Variants in TYW1B observed in about 807,000 individuals in gnomAD.
TYW1B encodes the protein S-adenosyl-L-methionine-dependent tRNA 4-demethylwyosine synthase TYW1B.
In TYW1B, 73 loss-of-function variants were observed where a neutral mutation model predicts 86.9. The observed-to-expected ratio is 0.84, with a 90% CI of 0.70 to 1.02. The LOEUF is 1.02. Ranked by LOEUF, TYW1B falls within the 50% of genes least tolerant of loss-of-function variation. TYW1B has a pLI of 0.00. For missense variants in TYW1B, 637 were observed against 827.4 expected, an observed-to-expected ratio of 0.77 and a Z score of 2.82; for synonymous variants, 248 against 292.8, an observed-to-expected ratio of 0.85 and a Z score of 1.56.
intron 9 of TYW1B, among the ~76,000 whole-genome samples, chr7:72,718,409 T>C (rs868927668): frequency 4.6e-5 from 7 of 152,156 alleles, no homozygotes; most frequent in African/African-American, 1.7e-4. Context: ...GCCTAATTCC[T>C]GCAGTACACA....
intron 6 of TYW1B, among the ~76,000 whole-genome samples, chr7:72,789,432 G>A (rs530555190): frequency 1.3e-5 from 2 of 152,228 alleles, no homozygotes; most frequent in African/African-American, 4.8e-5. Context: ...CACCAAGCCC[G>A]GCCCGAGTAT....
At chr7:72,800,591 T>G (rs1487113732) in intron 6 of TYW1B, among the ~76,000 whole-genome samples, 3 of 152,024 alleles carry the variant, frequency 2.0e-5, no homozygotes, top group Middle Eastern at 3.2e-3. Flanking sequence ...TCTTAGAATT[T>G]TATTCTGTTG....
chr7:72,616,369 GA>G (rs1554436857), intron 13 of TYW1B, among the ~76,000 whole-genome samples: 1 of 152,154 alleles, frequency 6.6e-6, no homozygotes, highest in Non-Finnish European at 1.5e-5. Flanking sequence ...GTCATTCCAG[GA>G]AAGGACTAGA....
intron 7 of TYW1B, among the ~76,000 whole-genome samples, chr7:72,753,049 A>T (rs193096345): frequency 6.6e-6 from 1 of 152,130 alleles, no homozygotes; most frequent in African/African-American, 2.4e-5. Context: ...AGAGAAAACA[A>T]ATCAGGCATT....
intron 11 of TYW1B, among the ~76,000 whole-genome samples, chr7:72,654,095 A>C (rs1563047328): frequency 1.3e-5 from 2 of 151,698 alleles, no homozygotes; most frequent in Non-Finnish European, 2.9e-5. Flanking sequence ...AGAAAAAAAA[A>C]AAAAAAAAAT....
At chr7:72,610,996 C>T (rs1265576997) in intron 13 of TYW1B, among the ~76,000 whole-genome samples, 1 of 152,174 alleles carries the variant, frequency 6.6e-6, no homozygotes, top group Non-Finnish European at 1.5e-5. Flanking sequence ...TAATAATCTC[C>T]TTTCCCTGCA....
At chr7:72,804,384 T>A (rs574295274) in intron 5 of TYW1B, among the ~76,000 whole-genome samples, 1 of 152,112 alleles carries the variant, frequency 6.6e-6, no homozygotes, top group African/African-American at 2.4e-5. Flanking sequence ...AGATGTCATA[T>A]AATCAGATGC....
At chr7:72,812,509 G>C (rs1347573390) in intron 3 of TYW1B, among the ~76,000 whole-genome samples, 2 of 152,066 alleles carry the variant, frequency 1.3e-5, no homozygotes, top group Non-Finnish European at 2.9e-5. Flanking sequence ...TAATCTCTTA[G>C]TTACAAGTAT....
chr7:72,635,526 T>C (rs1812646157), intron 11 of TYW1B, among the ~76,000 whole-genome samples: 2 of 152,178 alleles, frequency 1.3e-5, no homozygotes, highest in Admixed American at 6.5e-5. Flanking sequence ...ACCCTTTTCC[T>C]GAAAAGAACT....
At chr7:72,757,266 G>A (rs1291887410) in intron 7 of TYW1B, among the ~76,000 whole-genome samples, 2 of 151,880 alleles carry the variant, frequency 1.3e-5, no homozygotes, top group Non-Finnish European at 2.9e-5. Flanking sequence ...TACTCAGGAG[G>A]CTGAGGCAGG....
chr7:72,710,444 T>C (rs1786627139), intron 10 of TYW1B, among the ~76,000 whole-genome samples: 2 of 152,212 alleles, frequency 1.3e-5, no homozygotes, highest in Admixed American at 6.5e-5. Flanking sequence ...CAAAAAGTAA[T>C]AGCTTAGTTA....
chr7:72,748,895 T>C, intron 7 of TYW1B, among the ~76,000 whole-genome samples: 2 of 152,144 alleles, frequency 1.3e-5, no homozygotes, highest in Non-Finnish European at 2.9e-5. Context: ...AGTCCTCTTT[T>C]AGTGCATTAT....
chr7:72,827,328 C>A (rs1380614303), intron 1 of TYW1B, among the ~76,000 whole-genome samples: 1 of 152,090 alleles, frequency 6.6e-6, no homozygotes, highest in Non-Finnish European at 1.5e-5. Flanking sequence ...GAACTGCTTG[C>A]ACCTGGGAGG....
At chr7:72,810,824 G>C (rs1788596815) in intron 3 of TYW1B, among the ~76,000 whole-genome samples, 159 bp from the exon 4 acceptor site, 1 of 151,976 alleles carries the variant, frequency 6.6e-6, no homozygotes, top group South Asian at 2.1e-4. Context: ...AAGAAACACA[G>C]CAAGAACAGC....
In TYW1B at chr7:72,810,170, C is replaced by T. The variant is rs538523419; in HGVS notation, c.432+301G>A. Among the ~76,000 whole-genome samples, 5 of 152,094 alleles carry T rather than the reference C, an allele frequency of 3.3e-5. No individual in the cohort carries two copies. In the East Asian group the frequency reaches 7.7e-4, roughly 24 times the overall value. On this transcript the variant is annotated intron_variant, in intron 4 of 13. Transcript: ENST00000620995. ...GCACATGCCTGTAATCCCAGCTACT[C>T]GGGAGGTTGAGGCAGGAGAATCACT...
Position 72,792,671 on chromosome 7 carries a change from G to T in TYW1B, c.846+9729C>A, listed in dbSNP as rs550436741. Among the ~76,000 whole-genome samples the T allele has an allele frequency of 2.6e-5, 4 of 152,260 alleles. No homozygotes were observed. The East Asian group carries it at 7.7e-4, about 29-fold the overall frequency. ...AGTTTATATCAGCCACAAAAAATAT[G>T]AGCAAGAGTATCCATTACCAAAATG... On this transcript the variant is annotated intron_variant, in intron 6 of 13. Coordinates refer to ENST00000620995, the MANE Select transcript of TYW1B (RefSeq NM_001145440.3).
intron 7 of TYW1B, among the ~76,000 whole-genome samples, chr7:72,768,364 G>C (rs1334656480): frequency 6.6e-6 from 1 of 152,102 alleles, no homozygotes; most frequent in African/African-American, 2.4e-5. Flanking sequence ...CACCGCTCTA[G>C]GAATACAGAC....
At chr7:72,816,418 G>C (rs1336538588) in intron 2 of TYW1B, among the ~76,000 whole-genome samples, 2 of 152,128 alleles carry the variant, frequency 1.3e-5, no homozygotes, top group South Asian at 2.1e-4. Context: ...AGAGTGAAAA[G>C]AATGGGAAAC....
At chr7:72,703,842 G>A (rs541749120) in intron 10 of TYW1B, among the ~76,000 whole-genome samples, 3 of 148,774 alleles carry the variant, frequency 2.0e-5, no homozygotes, top group South Asian at 2.1e-4. Flanking sequence ...GTGACAGGGT[G>A]AGACCCTGTC....
Sources: gnomAD v4.1 joint callset for allele counts (sites outside exome capture counted in the v4.1 genomes callset) on GRCh38, gnomAD v4.1.1 for gene constraint, MANE v1.5 for transcripts, NCBI Gene and HGNC (gene_info 2026-07-23, HGNC 2026-07-21) for gene names.